RBPMS: variants seen among roughly 807,000 people sequenced by gnomAD.
The protein encoded by RBPMS is RNA binding protein, mRNA processing factor.
Under a neutral mutation model 26.8 loss-of-function variants are expected in RBPMS, and 7 were observed. The observed-to-expected ratio is 0.26, with a 90% confidence interval of 0.15 to 0.49. The LOEUF (loss-of-function observed/expected upper bound fraction) is 0.49, where lower values mean the gene tolerates loss of function less well. Among genes scored for constraint, RBPMS ranks in the 20% least tolerant of loss-of-function variants. The probability of loss-of-function intolerance (pLI) is 0.98; values close to 1 mark genes in which losing one functional copy is unlikely to be tolerated. For synonymous variants in RBPMS, 96 were observed against 93.3 expected (o/e 1.03, Z -0.17); for missense variants, 186 against 250.0 (o/e 0.74, Z 1.73).
chr8:30,554,399 G>A lies in RBPMS; in HGVS notation c.529-4488G>A, dbSNP rs73574118. ...GAGATCCTGCAGTCAGATAAACTTGGGCAGCACAGGTCTAGATCAAGTCAA... is the reference window on the plus strand; with the variant it reads ...GAGATCCTGCAGTCAGATAAACTTGAGCAGCACAGGTCTAGATCAAGTCAA... On this transcript the variant is annotated intron_variant, in intron 6 of 8. Coordinates refer to ENST00000397323, the MANE Select transcript of RBPMS (RefSeq NM_001008710.3). Among the ~76,000 whole-genome samples the A allele has an allele frequency of 6.4e-3, 982 of 152,250 alleles. 15 individuals are homozygous for A. Among genetic ancestry groups the A allele is most frequent in the African/African-American group, 0.022 (919 of 41,522 alleles).
intron 6 of RBPMS, among the ~76,000 whole-genome samples, chr8:30,550,886 C>T (rs1217718233): frequency 1.3e-5 from 2 of 152,226 alleles, no homozygotes; most frequent in African/African-American, 4.8e-5. Flanking sequence ...TTACTTTACA[C>T]AAACCCGCTG....
At chr8:30,419,742 CATT>C (rs1473007757) in intron 1 of RBPMS, among the ~76,000 whole-genome samples, 1 of 152,098 alleles carries the variant, frequency 6.6e-6, no homozygotes, top group African/African-American at 2.4e-5. Context: ...CAACATATCT[CATT>C]ATTTTTAAAA....
chr8:30,508,072 A>G (rs1034659939), intron 5 of RBPMS, among the ~76,000 whole-genome samples: 5 of 152,164 alleles, frequency 3.3e-5, no homozygotes, highest in African/African-American at 1.2e-4. Flanking sequence ...TAAAGAGATG[A>G]TTAAGTTCAA....
At chr8:30,409,117 C>T (rs190916719) in intron 1 of RBPMS, among the ~76,000 whole-genome samples, 79 of 152,082 alleles carry the variant, frequency 5.2e-4, no homozygotes, top group South Asian at 3.1e-3. Flanking sequence ...GGGTTGTTGA[C>T]GCTTTTTACA....
At chr8:30,414,123 C>G (rs1462552365) in intron 1 of RBPMS, among the ~76,000 whole-genome samples, 1 of 151,782 alleles carries the variant, frequency 6.6e-6, no homozygotes, top group Non-Finnish European at 1.5e-5. Context: ...CCCTCCTCTC[C>G]TTTTGATGTC....
intron 7 of RBPMS, chr8:30,564,366 C>G (rs1827733999): frequency 6.6e-6 from 1 of 152,252 alleles, no homozygotes; most frequent in African/African-American, 2.4e-5. Context: ...AGACCTTTCT[C>G]TGTTTTCCCA....
chr8:30,445,638 A>C (rs1813640663), intron 1 of RBPMS, among the ~76,000 whole-genome samples: 1 of 125,130 alleles, frequency 8.0e-6, no homozygotes, highest in Non-Finnish European at 1.7e-5. Context: ...ACATATGTAG[A>C]TATACACACG....
At chr8:30,514,530 T>C (rs1475226129) in intron 5 of RBPMS, among the ~76,000 whole-genome samples, 1 of 151,938 alleles carries the variant, frequency 6.6e-6, no homozygotes, top group Non-Finnish European at 1.5e-5. Flanking sequence ...CCCAACAGAT[T>C]GGTGGTGATG....
At chr8:30,426,680 CTTTTTTT>C (rs796851926) in intron 1 of RBPMS, among the ~76,000 whole-genome samples, 16 of 127,698 alleles carry the variant, frequency 1.3e-4, no homozygotes, top group Non-Finnish European at 2.4e-4. Flanking sequence ...CAGTGATTTT[CTTTTTTT>C]TTTTTTTTTG....
intron 1 of RBPMS, among the ~76,000 whole-genome samples, chr8:30,413,799 G>C (rs1422969610): frequency 6.6e-6 from 1 of 152,076 alleles, no homozygotes; most frequent in Non-Finnish European, 1.5e-5. Context: ...TTTTAGTAGA[G>C]ACTGGGTTTC....
intron 1 of RBPMS, among the ~76,000 whole-genome samples, chr8:30,424,551 G>T (rs575749349): frequency 6.6e-6 from 1 of 152,268 alleles, no homozygotes; most frequent in South Asian, 2.1e-4. Flanking sequence ...TCATAACTAG[G>T]TTCATACTCT....
In RBPMS at chr8:30,504,292, C is replaced by T. The variant is rs373546151; in HGVS notation, c.253C>T (p.Arg85Cys). The change falls in exon 5 of 9, where the codon CGC becomes TGC. Residue 85 changes from arginine to cysteine, a missense_variant. Arg to Cys is a radical substitution (Grantham distance 180, BLOSUM62 -3). Transcript: ENST00000397323. ...EAAKNALNGI[R>C]FDPEIPQTLR... Reference sequence around the variant, plus strand: ...TTGTTCTCTGTTTCCAAAGGGCATCCGCTTCGATCCTGAAATTCCGCAAAC... The same window carrying T: ...TTGTTCTCTGTTTCCAAAGGGCATCTGCTTCGATCCTGAAATTCCGCAAAC... The T allele has an allele frequency of 5.0e-6, 8 of 1,614,128 alleles. No individual in the cohort carries two copies. The highest frequency in any genetic ancestry group is 6.8e-6 in the Non-Finnish European group (8 of 1,179,994).
At chr8:30,547,854 C>A (rs1409245168) in intron 6 of RBPMS, among the ~76,000 whole-genome samples, 1 of 152,114 alleles carries the variant, frequency 6.6e-6, no homozygotes, top group Non-Finnish European at 1.5e-5. Flanking sequence ...CCACCGGGAT[C>A]CACAGGAAGG....
intron 1 of RBPMS, among the ~76,000 whole-genome samples, chr8:30,473,323 C>T (rs1817342232): frequency 6.6e-6 from 1 of 152,188 alleles, no homozygotes; most frequent in East Asian, 1.9e-4. Flanking sequence ...CCCATCCTTT[C>T]GATTCTTACT....
At chr8:30,507,546 G>C in intron 5 of RBPMS, among the ~76,000 whole-genome samples, 1 of 152,120 alleles carries the variant, frequency 6.6e-6, no homozygotes, top group East Asian at 1.9e-4. Flanking sequence ...GAGTGAAATT[G>C]ACATACAATT....
intron 1 of RBPMS, among the ~76,000 whole-genome samples, chr8:30,459,053 T>A (rs769443219): frequency 3.4e-5 from 5 of 148,616 alleles, no homozygotes; most frequent in African/African-American, 5.0e-5. Context: ...AACCGCCACC[T>A]CCTGGGTTCA....
At chr8:30,459,269 T>C (rs1191119998) in intron 1 of RBPMS, among the ~76,000 whole-genome samples, 1 of 151,952 alleles carries the variant, frequency 6.6e-6, no homozygotes, top group Non-Finnish European at 1.5e-5. Context: ...GTGGTTTTTT[T>C]TGGTTTTGTT....
At position 30,449,230 on chromosome 8, in the gene RBPMS, T is replaced by C. The variant is rs528638380; in HGVS notation, c.67-25549T>C. 1.1e-4 allele frequency among the ~76,000 whole-genome samples: 17 copies of C among 152,290 alleles called. No individual in the cohort carries two copies. The South Asian group carries it at 1.2e-3, about 11-fold the overall frequency. ...TTTTTAAACTTGGATTTTGTTGTTG[T>C]TGTTTTTGTTTAAGTAGTAGGAAAC... On this transcript the variant is annotated intron_variant, in intron 1 of 8. Coordinates refer to ENST00000397323, the MANE Select transcript of RBPMS (RefSeq NM_001008710.3).
intron 4 of RBPMS, among the ~76,000 whole-genome samples, chr8:30,488,717 A>G (rs1819058839): frequency 6.6e-6 from 1 of 152,220 alleles, no homozygotes; most frequent in Non-Finnish European, 1.5e-5. Flanking sequence ...AAAAATTTTA[A>G]TACACTGACA....
Sources: allele counts gnomAD v4.1 joint callset (sites outside exome capture counted in the v4.1 genomes callset), GRCh38; gene constraint gnomAD v4.1.1; transcripts MANE v1.5; gene names NCBI Gene and HGNC (gene_info 2026-07-23, HGNC 2026-07-21).